Variants in ANK1 observed in about 807,000 individuals in gnomAD.
ANK1 encodes the protein ankyrin 1, also known as ankyrin-1.
Under a neutral mutation model 210.4 loss-of-function variants are expected in ANK1, and 51 were observed. The observed-to-expected ratio is 0.24, with a 90% CI of 0.19 to 0.31. The LOEUF is 0.31. ANK1 is among the 10% of genes least tolerant of loss of function. The pLI is 1.00. For missense variants in ANK1, 2,051 were observed against 2,504.4 expected (o/e 0.82, Z 3.86); for synonymous variants, 967 against 1,025.9 (o/e 0.94, Z 1.10).
In ANK1 at chr8:41,688,514, G is replaced by T; in HGVS notation, c.4180C>A (p.Pro1394Thr). 1 of 1,614,074 alleles carries T rather than the reference G, an allele frequency of 6.2e-7. No homozygotes were observed. The highest frequency in any genetic ancestry group is 8.5e-7 in the Non-Finnish European group (1 of 1,179,896). ...CATCATCACACAGAGGCCGTACCTG[G>T]TGTGGACTCACTGAGAATGCTGTAT... The part of the protein sequence containing the change: ...LRYSILSEST[P>T]GSLSGTEQAE... The change falls in exon 34 of 43, where the codon CCA (proline) becomes ACA (threonine). Residue 1394 changes from proline (P) to threonine (T), a missense_variant. Physicochemically the swap from Pro to Thr is conservative, Grantham distance 38. Transcript: ENST00000289734.
At chr8:41,729,417 G>A (rs934805399) in intron 3 of ANK1, among the ~76,000 whole-genome samples, 1 of 152,176 alleles carries the variant, frequency 6.6e-6, no homozygotes, top group African/African-American at 2.4e-5. Flanking sequence ...AGAATTGGAG[G>A]TCTCGCTCTA....
At chr8:41,762,064 G>A (rs1840613674) in intron 1 of ANK1, among the ~76,000 whole-genome samples, 1 of 152,184 alleles carries the variant, frequency 6.6e-6, no homozygotes, top group African/African-American at 2.4e-5. Context: ...TATGATGTAA[G>A]CTCAAGTTCA....
chr8:41,738,152 C>T (rs944490689), intron 2 of ANK1, among the ~76,000 whole-genome samples: 1 of 152,144 alleles, frequency 6.6e-6, no homozygotes, highest in Non-Finnish European at 1.5e-5. Flanking sequence ...GAGGTGCCCA[C>T]CTGCACAAAG....
At chr8:41,748,056 G>T (rs1438316630) in intron 2 of ANK1, among the ~76,000 whole-genome samples, 2 of 152,322 alleles carry the variant, frequency 1.3e-5, no homozygotes, top group East Asian at 3.9e-4. Flanking sequence ...AGCCTCCCTG[G>T]TCAAGCACCT....
intron 1 of ANK1, among the ~76,000 whole-genome samples, chr8:41,888,404 A>G (rs1297194816): frequency 6.6e-6 from 1 of 152,220 alleles, no homozygotes; most frequent in Non-Finnish European, 1.5e-5. Context: ...CCGACTTCTT[A>G]GGGGCAGGCG....
chr8:41,739,635 CTCT>C (rs1834254381), intron 2 of ANK1, among the ~76,000 whole-genome samples: 1 of 150,960 alleles, frequency 6.6e-6, no homozygotes, highest in Admixed American at 6.7e-5. Context: ...ATCAACATGC[CTCT>C]TCTTCTGTGA....
intron 31 of ANK1, among the ~76,000 whole-genome samples, chr8:41,691,205 A>G (rs7840351): frequency 8.6e-4 from 131 of 152,336 alleles, no homozygotes; most frequent in African/African-American, 2.8e-3. Context: ...CAGCCTGGGC[A>G]ACAGACTGAG....
chr8:41,867,859 G>GTGTTTGTT (rs35695141), intron 1 of ANK1, among the ~76,000 whole-genome samples: 7 of 151,766 alleles, frequency 4.6e-5, no homozygotes, highest in South Asian at 2.1e-4. Context: ...TCTAAAGCAG[G>GTGTTTGTT]TGTTTGTTTG....
rs1250002445 is a variant in ANK1 at position 41,797,332 on chromosome 8, C to G, written c.27+180G>C. On this transcript the variant is annotated intron_variant, in intron 1 of 42. Transcript: ENST00000289734. This position sits in a 1 kb window ranked among gnomAD's most constrained non-coding sequence, Gnocchi z 4.0. Reference sequence around the variant, plus strand: ...CTGGCTTCAGCGAGTAGGGCAGAGTCCACCTGCTGCCTTCAGCTACAAGGT... The same window carrying G: ...CTGGCTTCAGCGAGTAGGGCAGAGTGCACCTGCTGCCTTCAGCTACAAGGT... Among the ~76,000 whole-genome samples, 1 of 152,248 alleles carries G rather than the reference C, an allele frequency of 6.6e-6. No individual in the cohort carries two copies. Among genetic ancestry groups the G allele is most frequent in the African/African-American group, 2.4e-5 (1 of 41,470 alleles).
chr8:41,795,572 C>T (rs78046809), intron 1 of ANK1, among the ~76,000 whole-genome samples: 2,984 of 151,818 alleles, frequency 0.02, 35 homozygotes, highest in East Asian at 0.028. Context: ...GCTTGAGCCA[C>T]GAAAAAGAAT....
At chr8:41,874,585 C>A (rs1816208820) in intron 1 of ANK1, among the ~76,000 whole-genome samples, 1 of 152,190 alleles carries the variant, frequency 6.6e-6, no homozygotes, top group Non-Finnish European at 1.5e-5. Flanking sequence ...GAGATGAGTT[C>A]ATTCCATCTT....
intron 5 of ANK1, 77 bp from the exon 6 acceptor site, chr8:41,726,023 C>T: frequency 6.6e-7 from 1 of 1,523,048 alleles, no homozygotes. Context: ...ACCCTTGCCC[C>T]TCGGGCTTAT....
intron 1 of ANK1, among the ~76,000 whole-genome samples, chr8:41,863,969 G>T (rs777909136): frequency 6.6e-6 from 1 of 152,236 alleles, no homozygotes; most frequent in Admixed American, 6.5e-5. Context: ...CACTGGCCGG[G>T]CATGGTGGCT....
rs559497845 is a variant in ANK1 at position 41,797,603 on chromosome 8, G to A, written c.-65C>T. 6.2e-5 allele frequency: 100 copies of A among 1,606,176 alleles called. No homozygotes were observed. The African/African-American group carries it at 1.1e-3, about 18-fold the overall frequency. On this transcript the variant is annotated 5_prime_UTR_variant, in exon 1 of 43. Transcript: ENST00000289734. This position sits in a 1 kb window ranked among gnomAD's most constrained non-coding sequence, Gnocchi z 4.0. ...GCTTGAGGAGGAGCAGCTGGGGCTGGCGGACTCACCGCAGCCTCTGCGGGG... is the reference window on the plus strand; with the variant it reads ...GCTTGAGGAGGAGCAGCTGGGGCTGACGGACTCACCGCAGCCTCTGCGGGG...
At chr8:41,743,761 G>A (rs564125042) in intron 2 of ANK1, among the ~76,000 whole-genome samples, 89 of 152,322 alleles carry the variant, frequency 5.8e-4, no homozygotes, top group African/African-American at 2.0e-3. Flanking sequence ...AAAGAATTCC[G>A]AGCACTGGGC....
At chr8:41,790,185 C>T (rs1037477377) in intron 1 of ANK1, among the ~76,000 whole-genome samples, 7 of 150,024 alleles carry the variant, frequency 4.7e-5, no homozygotes, top group African/African-American at 1.7e-4. Context: ...TCACTCTTGT[C>T]GCCCAGGCTG....
intron 8 of ANK1, 138 bp from the exon 9 acceptor site, chr8:41,723,361 G>A: frequency 2.6e-6 from 3 of 1,175,552 alleles, no homozygotes; most frequent in Non-Finnish European, 3.8e-6. Flanking sequence ...CCTCAGCACA[G>A]TTTTACTATT....
At position 41,825,974 on chromosome 8, in the gene ANK1, G is replaced by T. The variant is rs529510556; in HGVS notation, c.127-67837C>A. On this transcript the variant is annotated intron_variant, in intron 1 of 42. Transcript: ENST00000265709. ...TTTTCTTAATAAATTACCCAGTCTC[G>T]GGTATGTCTTTATTAGCAGCATGAG... is the stretch of plus-strand genomic sequence containing the variant. Among the ~76,000 whole-genome samples, 9 of 152,134 alleles carry T rather than the reference G, an allele frequency of 5.9e-5. No individual in the cohort carries two copies. The East Asian group carries it at 7.7e-4, about 13-fold the overall frequency.
intron 1 of ANK1, among the ~76,000 whole-genome samples, chr8:41,819,647 G>A (rs963442338): frequency 6.6e-6 from 1 of 152,128 alleles, no homozygotes; most frequent in African/African-American, 2.4e-5. Context: ...CTTAAGAACT[G>A]GGACCTCTGA....
Sources: allele counts gnomAD v4.1 joint callset (sites outside exome capture counted in the v4.1 genomes callset), GRCh38; gene constraint gnomAD v4.1.1; non-coding constraint Gnocchi (gnomAD v3.1); transcripts MANE v1.5; gene names NCBI Gene and HGNC (gene_info 2026-07-23, HGNC 2026-07-21).